HYDIN: variants seen among roughly 807,000 people sequenced by gnomAD.
HYDIN encodes the protein HYDIN axonemal central pair apparatus protein, also known as axonemal central pair apparatus protein HYDIN.
A neutral mutation model predicts 403.9 loss-of-function variants in HYDIN; 132 were observed. That is an observed-to-expected ratio of 0.33 (90% confidence interval 0.28 to 0.38). The LOEUF (loss-of-function observed/expected upper bound fraction) is 0.38, where lower values mean the gene tolerates loss of function less well. Among genes scored for constraint, HYDIN ranks in the 10% least tolerant of loss-of-function variants. HYDIN has a pLI of 1.00. For missense variants in HYDIN, 2,827 were observed against 5,009.5 expected (o/e 0.56, Z 13.15); for synonymous variants, 1,202 against 1,891.7 (o/e 0.64, Z 9.46).
At chr16:71,031,629 T>C (rs1389118511) in intron 19 of HYDIN, 50 bp downstream of exon 19, 7 of 1,561,584 alleles carry the variant, frequency 4.5e-6, no homozygotes, top group Admixed American at 1.8e-5. Context: ...ATGCTCAGCA[T>C]ATGTAACATA....
intron 23 of HYDIN, among the ~76,000 whole-genome samples, chr16:70,999,943 G>A (rs955936091): frequency 6.6e-6 from 1 of 152,136 alleles, no homozygotes; most frequent in African/African-American, 2.4e-5. Context: ...GCTCCAGAAG[G>A]TGTCCCCACT....
At chr16:71,032,165 G>A (rs78607566) in intron 18 of HYDIN, among the ~76,000 whole-genome samples, 12 of 151,748 alleles carry the variant, frequency 7.9e-5, no homozygotes, top group African/African-American at 2.4e-4. Context: ...CATCTCTTTC[G>A]CAAGATAACC....
chr16:70,994,624 G>T (rs2144053751), intron 23 of HYDIN, among the ~76,000 whole-genome samples: 1 of 147,662 alleles, frequency 6.8e-6, no homozygotes, highest in African/African-American at 2.5e-5. Flanking sequence ...TCCTCTGACA[G>T]ATTACAATTC....
At position 70,964,857 on chromosome 16, in the gene HYDIN, G is replaced by A; in HGVS notation, c.5659C>T (p.Leu1887=). ...KLKGYDSYNT[L]LLPPRNPGEK... ...CCAGGGTTGCGGGGAGGCAGCAGCA[G>A]GGTGTTGTAGGAATCATAGCCCTTC... is the stretch of plus-strand genomic sequence containing the variant. The change falls in exon 37 of 86, where the codon CTG becomes TTG. Residue 1887 remains leucine, a synonymous_variant. Transcript: ENST00000393567. 2 of 1,613,150 alleles carry A rather than the reference G, an allele frequency of 1.2e-6. No homozygotes were observed. Among genetic ancestry groups the A allele is most frequent in the Non-Finnish European group, 1.7e-6 (2 of 1,179,312 alleles).
chr16:71,003,271 T>C (rs2079781327), intron 23 of HYDIN, among the ~76,000 whole-genome samples: 1 of 152,228 alleles, frequency 6.6e-6, no homozygotes, highest in South Asian at 2.1e-4. Flanking sequence ...GGATTCTGAT[T>C]GGAAGTACAT....
chr16:71,200,962 C>A, intron 1 of HYDIN, among the ~76,000 whole-genome samples: 1 of 152,160 alleles, frequency 6.6e-6, no homozygotes, highest in East Asian at 1.9e-4. Context: ...TTTGATCAAA[C>A]TGTTTAAGGG....
intron 64 of HYDIN, among the ~76,000 whole-genome samples, chr16:70,872,640 C>T (rs1263928269): frequency 2.2e-5 from 3 of 135,196 alleles, no homozygotes; most frequent in South Asian, 2.8e-4. Context: ...CATCCACCCT[C>T]GCATCCATCC....
At chr16:71,016,981 A>C (rs1478313028) in intron 23 of HYDIN, among the ~76,000 whole-genome samples, 2 of 151,152 alleles carry the variant, frequency 1.3e-5, no homozygotes, top group Non-Finnish European at 3.0e-5. Context: ...TGGATCACGC[A>C]GGTGGTTTCC....
intron 39 of HYDIN, among the ~76,000 whole-genome samples, chr16:70,958,373 T>C (rs910294606): frequency 6.6e-6 from 1 of 152,250 alleles, no homozygotes; most frequent in Non-Finnish European, 1.5e-5. Context: ...CACACTCTAA[T>C]AGGCTTTTCA....
chr16:70,951,242 AAGGGACAGAGAG>A (rs1308312970), intron 41 of HYDIN, among the ~76,000 whole-genome samples: 1 of 84,072 alleles, frequency 1.2e-5, no homozygotes, highest in African/African-American at 3.6e-5. Flanking sequence ...CTCTAGGGAA[AAGGGACAGAGAG>A]AGAGAGAGAG....
chr16:71,190,999 A>G (rs2087408281), intron 1 of HYDIN, among the ~76,000 whole-genome samples: 2 of 152,190 alleles, frequency 1.3e-5, no homozygotes, highest in Admixed American at 1.3e-4. Context: ...GGTGAGAAGG[A>G]GAAAAGAAGG....
intron 18 of HYDIN, among the ~76,000 whole-genome samples, chr16:71,059,262 G>A (rs1331595265): frequency 6.6e-6 from 1 of 151,886 alleles, no homozygotes. Context: ...TATCTTCCAG[G>A]ATTTTTATAG....
At chr16:71,218,774 T>C (rs1458720558) in intron 1 of HYDIN, among the ~76,000 whole-genome samples, 1 of 152,244 alleles carries the variant, frequency 6.6e-6, no homozygotes, top group Non-Finnish European at 1.5e-5. Flanking sequence ...TATTGCTTTT[T>C]ATTAAATCGT....
chr16:70,928,660 C>T (rs1196081021), intron 45 of HYDIN, among the ~76,000 whole-genome samples: 1 of 136,260 alleles, frequency 7.3e-6, no homozygotes, highest in African/African-American at 2.6e-5. Flanking sequence ...TTCAATTGTA[C>T]TTTAGTAAAT....
At chr16:71,178,749 G>A (rs2086786409) in intron 4 of HYDIN, among the ~76,000 whole-genome samples, 179 bp downstream of exon 4, 1 of 152,060 alleles carries the variant, frequency 6.6e-6, no homozygotes, top group Non-Finnish European at 1.5e-5. Context: ...TCAACATATA[G>A]CAACAAACAG....
At chr16:70,825,212 T>A (rs1169095298) in intron 83 of HYDIN, among the ~76,000 whole-genome samples, 2 of 152,242 alleles carry the variant, frequency 1.3e-5, no homozygotes, top group Non-Finnish European at 2.9e-5. Context: ...CCACAAGAAG[T>A]CTTATGTTAC....
chr16:70,916,643 C>T (rs886966263), intron 47 of HYDIN, among the ~76,000 whole-genome samples: 1 of 152,172 alleles, frequency 6.6e-6, no homozygotes, highest in Non-Finnish European at 1.5e-5. Context: ...GTTGGAGTTG[C>T]ATCCAGTCCT....
At chr16:70,998,030 G>A (rs2079586026) in intron 23 of HYDIN, among the ~76,000 whole-genome samples, 1 of 152,116 alleles carries the variant, frequency 6.6e-6, no homozygotes, top group Admixed American at 6.6e-5. Flanking sequence ...TGGCCAATGA[G>A]GCATTCAAAA....
At chr16:71,045,491 T>C (rs573301502) in intron 18 of HYDIN, among the ~76,000 whole-genome samples, 1 of 152,216 alleles carries the variant, frequency 6.6e-6, no homozygotes, top group South Asian at 2.1e-4. Flanking sequence ...GTATATCTAA[T>C]TCATATTGTT....
Sources: allele counts gnomAD v4.1 joint callset (sites outside exome capture counted in the v4.1 genomes callset), GRCh38; gene constraint gnomAD v4.1.1; transcripts MANE v1.5; gene names NCBI Gene and HGNC (gene_info 2026-07-23, HGNC 2026-07-21).